Variants in FRMD4A observed in about 807,000 individuals in gnomAD.
The protein encoded by FRMD4A is FERM domain containing 4A.
FRMD4A carries 29 observed loss-of-function variants against 129.1 expected under a neutral mutation model. The ratio of observed to expected loss-of-function variants is 0.22; its 90% CI spans 0.17 to 0.31. The LOEUF (loss-of-function observed/expected upper bound fraction) is 0.31, where lower values mean the gene tolerates loss of function less well. Among genes scored for constraint, FRMD4A ranks in the 10% least tolerant of loss-of-function variants. The pLI, the probability that FRMD4A is intolerant of heterozygous loss-of-function variation, is 1.00. For missense variants in FRMD4A, 1,272 were observed against 1,375.8 expected (o/e 0.92, Z 1.19); for synonymous variants, 634 against 571.6 (o/e 1.11, Z -1.56).
intron 9 of FRMD4A, among the ~76,000 whole-genome samples, chr10:13,745,672 C>T (rs1035252649): frequency 1.3e-5 from 2 of 152,174 alleles, no homozygotes; most frequent in Non-Finnish European, 2.9e-5. Context: ...AAATTCAAAA[C>T]TCTCAGATGA....
chr10:13,777,719 T>C (rs368524336), intron 6 of FRMD4A, among the ~76,000 whole-genome samples: 1 of 152,040 alleles, frequency 6.6e-6, no homozygotes, highest in Non-Finnish European at 1.5e-5. Context: ...AGCTCAGCAT[T>C]TGGGACAAGA....
At chr10:14,196,042 CAA>C (rs1384436406) in intron 2 of FRMD4A, among the ~76,000 whole-genome samples, 12 of 152,122 alleles carry the variant, frequency 7.9e-5, no homozygotes, top group African/African-American at 9.7e-5. Flanking sequence ...CCAGATAAGG[CAA>C]GTCAATTAAA....
chr10:14,113,314 C>T (rs1009649857), intron 2 of FRMD4A, among the ~76,000 whole-genome samples: 1 of 152,090 alleles, frequency 6.6e-6, no homozygotes, highest in Non-Finnish European at 1.5e-5. Flanking sequence ...CTCAGCCCAC[C>T]CAACGTGAAG....
chr10:13,715,462 G>A (rs1488983968), intron 12 of FRMD4A, among the ~76,000 whole-genome samples: 2 of 152,172 alleles, frequency 1.3e-5, no homozygotes, highest in Non-Finnish European at 2.9e-5. Context: ...CCACTTACCG[G>A]CTGTGTATTC....
At chr10:14,294,078 C>A (rs1210079906) in intron 2 of FRMD4A, among the ~76,000 whole-genome samples, 1 of 152,172 alleles carries the variant, frequency 6.6e-6, no homozygotes, top group East Asian at 1.9e-4. Context: ...CTGGTTGATA[C>A]CTCCAGGTGG....
At chr10:14,323,644 C>G (rs1196982090) in intron 2 of FRMD4A, among the ~76,000 whole-genome samples, 1 of 152,184 alleles carries the variant, frequency 6.6e-6, no homozygotes, top group Non-Finnish European at 1.5e-5. Flanking sequence ...TAATACAGCT[C>G]TTCCTTTTTT....
Position 14,250,176 on chromosome 10 carries a change from G to T in FRMD4A, c.45+79882C>A, listed in dbSNP as rs1009559837. On this transcript the variant is annotated intron_variant, in intron 2 of 24. Coordinates refer to ENST00000357447, the MANE Select transcript of FRMD4A (RefSeq NM_018027.5). ...GGGTTTCACTATGTTGGCCAGGTTG[G>T]TCTTGAACTCCTGACCTCAGGTGCT... is the stretch of plus-strand genomic sequence containing the variant. Among the ~76,000 whole-genome samples the T allele has an allele frequency of 4.6e-5, 7 of 152,258 alleles. No individual in the cohort carries two copies. The East Asian group carries it at 5.8e-4, about 13-fold the overall frequency.
intron 2 of FRMD4A, among the ~76,000 whole-genome samples, chr10:14,308,448 A>G (rs1201252365): frequency 6.6e-6 from 1 of 151,806 alleles, no homozygotes; most frequent in African/African-American, 2.4e-5. Flanking sequence ...AGCAGTCTGG[A>G]TTTTTCTTGT....
At chr10:13,721,493 A>T (rs1248917476) in intron 12 of FRMD4A, among the ~76,000 whole-genome samples, 1 of 152,254 alleles carries the variant, frequency 6.6e-6, no homozygotes, top group East Asian at 1.9e-4. Flanking sequence ...AAAAAAAAGA[A>T]CTCGATAAGA....
chr10:13,669,365 C>G (rs1213321359), intron 17 of FRMD4A, among the ~76,000 whole-genome samples: 1 of 152,152 alleles, frequency 6.6e-6, no homozygotes, highest in Non-Finnish European at 1.5e-5. Flanking sequence ...CCACCACGCC[C>G]GGCCACATGA....
rs74122391 is a variant in FRMD4A, at chr10:14,185,513, G to T, written c.45+144545C>A. On this transcript the variant is annotated intron_variant, in intron 2 of 24. Transcript: ENST00000357447. ...TTTTTCTAACTTCAAGTATTTTTTG[G>T]AGGTTTGTTGTAGAACTATGGAAAC... Among the ~76,000 whole-genome samples the T allele has an allele frequency of 8.1e-3, 1,233 of 152,220 alleles. 14 individuals carry two copies. The highest frequency in any genetic ancestry group is 0.024 in the Middle Eastern group (7 of 294).
intron 9 of FRMD4A, among the ~76,000 whole-genome samples, chr10:13,743,938 A>G (rs1372803929): frequency 1.3e-5 from 2 of 152,176 alleles, no homozygotes; most frequent in Non-Finnish European, 2.9e-5. Flanking sequence ...TAACTAGCAG[A>G]AATCCAGGAA....
intron 2 of FRMD4A, among the ~76,000 whole-genome samples, chr10:14,277,800 G>A (rs1024079673): frequency 2.0e-5 from 3 of 152,198 alleles, no homozygotes; most frequent in Non-Finnish European, 4.4e-5. Context: ...TACTGGGGAA[G>A]GGAGGCCCAC....
chr10:13,703,940 G>C (rs2087128942), intron 13 of FRMD4A, among the ~76,000 whole-genome samples: 1 of 152,172 alleles, frequency 6.6e-6, no homozygotes, highest in East Asian at 1.9e-4. Flanking sequence ...GGAAGGTGGA[G>C]GGTGCAGTGA....
chr10:14,033,447 TCAAGGAAC>T (rs929376484), intron 2 of FRMD4A, among the ~76,000 whole-genome samples: 29 of 152,086 alleles, frequency 1.9e-4, no homozygotes, highest in African/African-American at 6.3e-4. Flanking sequence ...ATAGCTAATG[TCAAGGAAC>T]CAACCTAAGT....
intron 4 of FRMD4A, among the ~76,000 whole-genome samples, chr10:13,797,748 A>T (rs2130830156): frequency 6.6e-6 from 1 of 152,314 alleles, no homozygotes; most frequent in East Asian, 1.9e-4. Flanking sequence ...GCTGTGTGGC[A>T]TGTGTGCAAG....
intron 3 of FRMD4A, among the ~76,000 whole-genome samples, chr10:13,827,236 A>C (rs1425552286): frequency 6.6e-6 from 1 of 152,172 alleles, no homozygotes; most frequent in Non-Finnish European, 1.5e-5. Context: ...AGTACACATA[A>C]GGGGTATCAG....
intron 2 of FRMD4A, among the ~76,000 whole-genome samples, chr10:14,120,188 G>C (rs1028942161): frequency 6.6e-6 from 1 of 151,836 alleles, no homozygotes; most frequent in African/African-American, 2.4e-5. Flanking sequence ...ACCACCATTC[G>C]GCCTACCGAC....
At chr10:14,202,159 G>T (rs1042343835) in intron 2 of FRMD4A, among the ~76,000 whole-genome samples, 1 of 151,032 alleles carries the variant, frequency 6.6e-6, no homozygotes, top group East Asian at 2.0e-4. Context: ...AAAAATTCAC[G>T]TGGAGAGCCA....
Sources: gnomAD v4.1 joint callset for allele counts (sites outside exome capture counted in the v4.1 genomes callset) on GRCh38, gnomAD v4.1.1 for gene constraint, MANE v1.5 for transcripts, NCBI Gene and HGNC (gene_info 2026-07-23, HGNC 2026-07-21) for gene names.